The following MLIP variants were observed in gnomAD, a reference collection of about 807,000 sequenced individuals.
The protein encoded by MLIP is muscular LMNA interacting protein, also known as muscular LMNA-interacting protein.
Under a neutral mutation model 84.8 loss-of-function variants are expected in MLIP, and 79 were observed. The observed-to-expected ratio is 0.93, with a 90% CI of 0.78 to 1.12. The LOEUF is 1.12. MLIP is among the 50% of genes most tolerant of loss of function. The probability of loss-of-function intolerance (pLI) is 0.00; values close to 1 mark genes in which losing one functional copy is unlikely to be tolerated. For missense variants in MLIP, 1,257 were observed against 1,160.6 expected (o/e 1.08, Z -1.21); for synonymous variants, 504 against 463.0 (o/e 1.09, Z -1.14).
chr6:54,211,233 A>G (rs1166226312), intron 11 of MLIP, among the ~76,000 whole-genome samples: 1 of 152,244 alleles, frequency 6.6e-6, no homozygotes, highest in Non-Finnish European at 1.5e-5. Flanking sequence ...ACCGAAAAAT[A>G]AAAATAAAAA....
At chr6:54,251,610 CATATA>C (rs1473948707) in intron 12 of MLIP, among the ~76,000 whole-genome samples, 4 of 88,898 alleles carry the variant, frequency 4.5e-5, no homozygotes, top group Non-Finnish European at 7.6e-5. Flanking sequence ...TATATTATAA[CATATA>C]ATATATAATA....
At chr6:54,213,718 A>C (rs1188984058) in intron 11 of MLIP, among the ~76,000 whole-genome samples, 1 of 121,220 alleles carries the variant, frequency 8.2e-6, no homozygotes, top group African/African-American at 3.5e-5. Flanking sequence ...AAAAAAAAAA[A>C]AAAAAAAAAA....
rs141984325 is a variant in MLIP at position 54,239,779 on chromosome 6, T to G, written c.2922+8862T>G. Among the ~76,000 whole-genome samples the G allele has an allele frequency of 3.0e-4, 46 of 151,930 alleles. No individual in the cohort carries two copies. In the East Asian group the frequency reaches 8.3e-3, roughly 27 times the overall value. On this transcript the variant is annotated intron_variant, in intron 12 of 13. Coordinates refer to ENST00000502396, the MANE Select transcript of MLIP (RefSeq NM_001281747.2). ...TCCAGTCTGGGTGACAGAGCAAGAT[T>G]CTGTCTAAAAATAAAAAATAAAAAA...
intron 12 of MLIP, among the ~76,000 whole-genome samples, chr6:54,252,882 T>A (rs561353484): frequency 6.6e-6 from 1 of 152,166 alleles, no homozygotes; most frequent in South Asian, 2.1e-4. Flanking sequence ...ATAGTTCTAC[T>A]TGAAGGATCT....
At chr6:54,110,000 T>TC (rs1283242159), upstream of MLIP, among the ~76,000 whole-genome samples, 7 of 131,730 alleles carry the variant, frequency 5.3e-5, no homozygotes, top group African/African-American at 1.9e-4. Flanking sequence ...TCTTTTTTTT[T>TC]TTGACGGAGT....
At chr6:54,188,314 T>A (rs1445156299) in intron 9 of MLIP, among the ~76,000 whole-genome samples, 3 of 152,196 alleles carry the variant, frequency 2.0e-5, no homozygotes, top group Non-Finnish European at 2.9e-5. Flanking sequence ...GTAGGTTTTT[T>A]ATTTTATAAA....
chr6:54,176,754 A>G (rs890855736), intron 9 of MLIP, among the ~76,000 whole-genome samples: 3 of 152,172 alleles, frequency 2.0e-5, no homozygotes, highest in African/African-American at 7.2e-5. Context: ...GACAATCCTA[A>G]GCAAAAAGAA....
intron 9 of MLIP, among the ~76,000 whole-genome samples, chr6:54,170,646 A>G (rs1053100192): frequency 1.3e-5 from 2 of 151,494 alleles, no homozygotes; most frequent in African/African-American, 4.8e-5. Flanking sequence ...ATTACTCACC[A>G]TTTTACCTTT....
chr6:54,130,868 G>T (rs1771316817), intron 3 of MLIP, among the ~76,000 whole-genome samples: 1 of 151,872 alleles, frequency 6.6e-6, no homozygotes, highest in African/African-American at 2.4e-5. Context: ...AATATGAAAA[G>T]GACTCATCAA....
chr6:54,233,123 C>T (rs1781119670), intron 12 of MLIP, among the ~76,000 whole-genome samples: 1 of 152,196 alleles, frequency 6.6e-6, no homozygotes, highest in Non-Finnish European at 1.5e-5. Context: ...GTACAACTGC[C>T]TTCTTCACTG....
intron 1 of MLIP, among the ~76,000 whole-genome samples, chr6:54,075,127 A>C (rs1231208800): frequency 2.6e-5 from 4 of 151,614 alleles, no homozygotes; most frequent in Admixed American, 1.3e-4. Context: ...CATTCCTGTA[A>C]TCCCAGCTAC....
intron 11 of MLIP, among the ~76,000 whole-genome samples, chr6:54,204,636 C>T (rs893471685): frequency 1.3e-5 from 2 of 152,146 alleles, no homozygotes; most frequent in East Asian, 1.9e-4. Flanking sequence ...CTGTAATTTA[C>T]GACATGTACT....
At chr6:54,116,315 C>G (rs1179068100) in intron 1 of MLIP, among the ~76,000 whole-genome samples, 1 of 152,072 alleles carries the variant, frequency 6.6e-6, no homozygotes, top group Non-Finnish European at 1.5e-5. Context: ...TTAATTATAT[C>G]AAGAGTGATT....
chr6:54,111,640 AT>A, intron 1 of MLIP, 65 bp downstream of exon 1: 1 of 1,489,960 alleles, frequency 6.7e-7, no homozygotes, highest in Non-Finnish European at 9.0e-7. Context: ...TGCTGGTGGT[AT>A]TTGCTGCAAG....
intron 3 of MLIP, among the ~76,000 whole-genome samples, chr6:54,127,157 C>A (rs1029481246): frequency 6.6e-6 from 1 of 152,086 alleles, no homozygotes; most frequent in Admixed American, 6.5e-5. Context: ...TAAAGATGTT[C>A]CCTTTGGAAA....
chr6:54,187,627 C>G (rs555437652), intron 9 of MLIP, among the ~76,000 whole-genome samples: 1 of 152,176 alleles, frequency 6.6e-6, no homozygotes, highest in Admixed American at 6.5e-5. Context: ...TATGCAAAAA[C>G]CATCCAGAAT....
intron 1 of MLIP, chr6:54,032,348 T>G (rs1211372812): frequency 6.6e-6 from 1 of 152,212 alleles, no homozygotes; most frequent in African/African-American, 2.4e-5. Context: ...TTTTCATATT[T>G]ATTTTGAAGG....
At chr6:54,112,159 G>T (rs966687600) in intron 1 of MLIP, among the ~76,000 whole-genome samples, 1 of 152,174 alleles carries the variant, frequency 6.6e-6, no homozygotes, top group African/African-American at 2.4e-5. Flanking sequence ...ATTAACAAGT[G>T]CAATGCTGTT....
intron 11 of MLIP, among the ~76,000 whole-genome samples, chr6:54,202,649 T>C (rs1778774289): frequency 6.6e-6 from 1 of 152,034 alleles, no homozygotes. Context: ...TCCCAGCACT[T>C]TGGGAAGCCA....
Sources: gnomAD v4.1 joint callset for allele counts (sites outside exome capture counted in the v4.1 genomes callset) on GRCh38, gnomAD v4.1.1 for gene constraint, MANE v1.5 for transcripts, NCBI Gene and HGNC (gene_info 2026-07-23, HGNC 2026-07-21) for gene names.